The following DHX36 variants were observed in gnomAD, a reference collection of about 807,000 sequenced individuals.
The protein encoded by DHX36 is ATP-dependent DNA/RNA helicase DHX36.
DHX36 carries 50 observed loss-of-function variants against 139.0 expected under a neutral mutation model. That is an observed-to-expected ratio of 0.36 (90% confidence interval 0.29 to 0.46). DHX36 has a LOEUF of 0.46. Among genes scored for constraint, DHX36 ranks in the 20% least tolerant of loss-of-function variants. DHX36 has a pLI of 1.00. For synonymous variants in DHX36, 425 were observed against 401.9 expected (o/e 1.06, Z -0.69); for missense variants, 1,024 against 1,211.3 (o/e 0.85, Z 2.29).
intron 1 of DHX36, among the ~76,000 whole-genome samples, chr3:154,319,686 T>C (rs1269307351): frequency 2.0e-5 from 3 of 152,138 alleles, no homozygotes; most frequent in African/African-American, 7.2e-5. Flanking sequence ...AGTCAACCGA[T>C]ATTCTGGTTT....
At chr3:154,304,375 C>T (rs924959654) in intron 8 of DHX36, among the ~76,000 whole-genome samples, 1 of 152,086 alleles carries the variant, frequency 6.6e-6, no homozygotes, top group Non-Finnish European at 1.5e-5. Context: ...ATAGCAACTA[C>T]CTCATAAAGT....
chr3:154,296,411 T>C (rs1712050984), intron 12 of DHX36, among the ~76,000 whole-genome samples: 1 of 152,052 alleles, frequency 6.6e-6, no homozygotes, highest in Non-Finnish European at 1.5e-5. Flanking sequence ...GAGGCGGAGC[T>C]TGCAGTGAGC....
rs1441554860 is a variant in DHX36, at chr3:154,275,949, A to G, written c.*222T>C. 12 of 306,408 alleles carry G rather than the reference A, an allele frequency of 3.9e-5. No individual in the cohort carries two copies. The highest frequency in any genetic ancestry group is 7.0e-5 in the Non-Finnish European group (12 of 172,590). 19.0% of individuals were successfully genotyped at this position (306,408 alleles called of 1,614,324 possible). A position where few individuals can be genotyped will look rare whatever the true frequency, so the allele number is the denominator to read the frequency against. On this transcript the variant is annotated 3_prime_UTR_variant, in exon 25 of 25. Transcript: ENST00000496811. The stretch of plus-strand genomic sequence containing the variant: ...AGAGTGGGCATGACCACAGCAGAGT[A>G]TATGATCAGAGAACATATTGCTTTT...
At chr3:154,304,177 AAC>A (rs1016306477) in intron 8 of DHX36, among the ~76,000 whole-genome samples, 2 of 152,230 alleles carry the variant, frequency 1.3e-5, no homozygotes, top group Non-Finnish European at 2.9e-5. Context: ...ACATTTATTA[AAC>A]ATAAATATAT....
At chr3:154,277,565 T>C (rs1170593520) in intron 23 of DHX36, 33 bp downstream of exon 23, 2 of 1,565,186 alleles carry the variant, frequency 1.3e-6, no homozygotes, top group South Asian at 2.5e-5. Flanking sequence ...AGACTGATAA[T>C]CAGATCCTTA....
chr3:154,307,608 A>G (rs1290143634), intron 5 of DHX36, among the ~76,000 whole-genome samples: 5 of 152,126 alleles, frequency 3.3e-5, no homozygotes, highest in Non-Finnish European at 4.4e-5. Flanking sequence ...TAAAGAGTCA[A>G]AAAATAATAG....
intron 12 of DHX36, among the ~76,000 whole-genome samples, chr3:154,297,601 C>T (rs1180443275): frequency 2.0e-5 from 3 of 151,840 alleles, no homozygotes; most frequent in African/African-American, 7.3e-5. Context: ...ATCCCAGCTA[C>T]TCGGGAGGCT....
chr3:154,322,667 A>G (rs1380935115), intron 1 of DHX36, among the ~76,000 whole-genome samples: 1 of 152,250 alleles, frequency 6.6e-6, no homozygotes, highest in Non-Finnish European at 1.5e-5. Flanking sequence ...ACAACTGGCT[A>G]TACCCTTCAT....
At chr3:154,277,021 T>G in intron 23 of DHX36, 122 bp from the exon 24 acceptor site, 8 of 813,458 alleles carry the variant, frequency 9.8e-6, no homozygotes, top group Non-Finnish European at 1.5e-5. Context: ...AACCTTCTAT[T>G]GTAATTACAG....
chr3:154,287,610 T>G (rs188817086), intron 17 of DHX36, among the ~76,000 whole-genome samples: 1 of 151,998 alleles, frequency 6.6e-6, no homozygotes, highest in East Asian at 1.9e-4. Context: ...TGAGCCGAGA[T>G]CATGCCACTG....
At chr3:154,288,785 T>G in intron 17 of DHX36, 81 bp downstream of exon 17, 1 of 726,712 alleles carries the variant, frequency 1.4e-6, no homozygotes, top group Non-Finnish European at 2.1e-6. Context: ...TTTGCAGTAA[T>G]GAGAGTAAAC....
chr3:154,324,067 CA>C, intron 1 of DHX36, 106 bp downstream of exon 1: 1 of 1,289,120 alleles, frequency 7.8e-7, no homozygotes, highest in Non-Finnish European at 1.1e-6. Flanking sequence ...TTACATTTCA[CA>C]AAACACGTGC....
intron 15 of DHX36, among the ~76,000 whole-genome samples, chr3:154,290,752 CTTAG>C (rs1711761574): frequency 6.6e-6 from 1 of 151,722 alleles, no homozygotes; most frequent in East Asian, 1.9e-4. Context: ...TTCTAAAAAT[CTTAG>C]TTATTTTTTC....
At position 154,304,851 on chromosome 3, in the gene DHX36, A is replaced by G. The variant is rs767440112; in HGVS notation, c.1090T>C (p.Leu364=). 3 of 1,607,146 alleles carry G rather than the reference A, an allele frequency of 1.9e-6. No individual in the cohort carries two copies. The highest frequency in any genetic ancestry group is 1.7e-6 in the Non-Finnish European group (2 of 1,177,932). ...TCTGCATTCAATGTTGCACTCATCA[A>G]TATTACTTTCAAGTCAGATCGAAAA... ...LNFRSDLKVI[L]MSATLNAEKF... is the part of the protein sequence containing the mutation. The change falls in exon 8 of 25, where the codon TTG becomes CTG. Residue 364 remains leucine, a synonymous_variant. Transcript: ENST00000496811.
intron 23 of DHX36, among the ~76,000 whole-genome samples, chr3:154,277,188 C>T (rs1005985213): frequency 2.0e-5 from 3 of 152,042 alleles, no homozygotes; most frequent in African/African-American, 7.2e-5. Context: ...TATTTTTATC[C>T]AGTTTTTTAT....
chr3:154,290,690 A>T (rs1179569257), intron 15 of DHX36, among the ~76,000 whole-genome samples: 1 of 151,856 alleles, frequency 6.6e-6, no homozygotes, highest in African/African-American at 2.4e-5. Flanking sequence ...ATGTATTCTC[A>T]AGTAGAAGAG....
intron 1 of DHX36, among the ~76,000 whole-genome samples, chr3:154,319,537 A>C (rs557141758): frequency 5.9e-4 from 90 of 152,264 alleles, no homozygotes; most frequent in Middle Eastern, 3.4e-3. Flanking sequence ...CTTTCTTGTT[A>C]TAAAAGAAGT....
chr3:154,304,724 A>T, intron 8 of DHX36, 82 bp downstream of exon 8: 1 of 1,010,714 alleles, frequency 9.9e-7, no homozygotes, highest in Non-Finnish European at 1.4e-6. Context: ...CATTTTGACT[A>T]CTCTTTACCT....
At chr3:154,321,180 G>C (rs1713172549) in intron 1 of DHX36, among the ~76,000 whole-genome samples, 1 of 152,124 alleles carries the variant, frequency 6.6e-6, no homozygotes, top group African/African-American at 2.4e-5. Flanking sequence ...TGTGTGTACT[G>C]GGTTGTAAAT....
Sources: allele counts gnomAD v4.1 joint callset (sites outside exome capture counted in the v4.1 genomes callset), GRCh38; gene constraint gnomAD v4.1.1; transcripts MANE v1.5; gene names NCBI Gene and HGNC (gene_info 2026-07-23, HGNC 2026-07-21).